Variants in MYBPH observed in about 807,000 individuals in gnomAD.
MYBPH encodes the protein myosin binding protein H.
Under a neutral mutation model 53.6 loss-of-function variants are expected in MYBPH, and 49 were observed. That is an observed-to-expected ratio of 0.91 (90% confidence interval 0.73 to 1.16). The LOEUF (loss-of-function observed/expected upper bound fraction) is 1.16, where lower values mean the gene tolerates loss of function less well. Ranked by LOEUF, MYBPH falls within the 50% of genes most tolerant of loss-of-function variation. The pLI is 0.00. For synonymous variants in MYBPH, 239 were observed against 249.6 expected, an observed-to-expected ratio of 0.96 and a Z score of 0.40; for missense variants, 558 against 624.1, an observed-to-expected ratio of 0.89 and a Z score of 1.13.
Position 203,175,793 on chromosome 1 carries a change from G to T in MYBPH, c.-38C>A. On this transcript the variant is annotated 5_prime_UTR_variant, in exon 1 of 11. Coordinates refer to ENST00000255416, the MANE Select transcript of MYBPH (RefSeq NM_004997.3). ...TGGGGGGCCAGGGTGGAGTGTGCAGGGGTCAGCCGTTGGGGGGCCTGGGCC... is the reference window on the plus strand; with the variant it reads ...TGGGGGGCCAGGGTGGAGTGTGCAGTGGTCAGCCGTTGGGGGGCCTGGGCC... 1 of 1,607,976 alleles carries T rather than the reference G, an allele frequency of 6.2e-7. No homozygotes were observed.
chr1:203,172,001 G>A lies in MYBPH; in HGVS notation c.548C>T (p.Thr183Ile). Residue 183 changes from threonine to isoleucine, a missense_variant, in exon 4 of 11, where the codon ACC becomes ATC. Coordinates refer to ENST00000255416, the MANE Select transcript of MYBPH (RefSeq NM_004997.3). ...KIRVPRHLRQ[T>I]YIRQVGETVN... ...CGTCTCTCCCACCTGGCGGATGTAG[G>A]TCTGACGGAGGTGGCGGGGGACACG... The A allele has an allele frequency of 7.6e-7, 1 of 1,324,390 alleles. No homozygotes were observed. Among genetic ancestry groups the A allele is most frequent in the Admixed American group, 3.0e-5 (1 of 33,566 alleles). 82.0% of individuals were successfully genotyped at this position (1,324,390 alleles called of 1,614,324 possible).
upstream of MYBPH, among the ~76,000 whole-genome samples, chr1:203,176,110 A>G (rs1655805080): frequency 6.6e-6 from 1 of 152,156 alleles, no homozygotes; most frequent in African/African-American, 2.4e-5. Flanking sequence ...TGTCAGGGCA[A>G]TAGGAGGAAG....
chr1:203,171,162 CG>C lies in MYBPH; in HGVS notation c.831del (p.Asp277GlufsTer140). On this transcript the variant is annotated frameshift_variant, in exon 6 of 11. Transcript: ENST00000255416. LOFTEE classifies it high-confidence loss of function. This position sits in a 1 kb window ranked among gnomAD's most constrained non-coding sequence, Gnocchi z 4.2. Reference sequence around the variant, plus strand: ...TGAAGAGCAGCATTGCAGCCCCAGACGTCCAGGAGCCTGATGCTGCTGGGGG... The same window carrying C: ...TGAAGAGCAGCATTGCAGCCCCAGACTCCAGGAGCCTGATGCTGCTGGGGG... ...PGPPSSIRLL[D>X]VWGCNAALQW... 1 of 1,611,618 alleles carries C rather than the reference CG, an allele frequency of 6.2e-7. No individual in the cohort carries two copies. The highest frequency in any genetic ancestry group is 8.5e-7 in the Non-Finnish European group (1 of 1,178,882).
rs772259806 is a variant in MYBPH at position 203,171,574 on chromosome 1, T to C, written c.602A>G (p.Lys201Arg). 8 of 1,611,322 alleles carry C rather than the reference T, an allele frequency of 5.0e-6. No individual in the cohort carries two copies. The South Asian group carries it at 7.7e-5, about 16-fold the overall frequency. The change falls in exon 5 of 11, where the codon AAG becomes AGG. Residue 201 changes from lysine (K) to arginine (R), a missense_variant. Coordinates refer to ENST00000255416, the MANE Select transcript of MYBPH (RefSeq NM_004997.3). This position sits in a 1 kb window ranked among gnomAD's most constrained non-coding sequence, Gnocchi z 4.2. The stretch of plus-strand genomic sequence containing the variant: ...GGTCCATGTGGCCTGAGGCTTAGGC[T>C]TCCCCTGGCAGGGAGGAGCCCCCAG... ...TVNLQIPFQGKPKPQATWTHN... is the reference protein window; with the variant it reads ...TVNLQIPFQGRPKPQATWTHN...
In MYBPH at chr1:203,171,941, G is replaced by T; in HGVS notation, c.597+11C>A. The T allele has an allele frequency of 7.6e-7, 1 of 1,321,152 alleles. No individual in the cohort carries two copies. 81.8% of individuals were successfully genotyped at this position (1,321,152 alleles called of 1,614,324 possible). On this transcript the variant is annotated intron_variant, in intron 4 of 10. Coordinates refer to ENST00000255416, the MANE Select transcript of MYBPH (RefSeq NM_004997.3). This position sits in a 1 kb window ranked among gnomAD's most constrained non-coding sequence, Gnocchi z 4.2. ...ACCCAGGCTGTTACCCTTGGTGGGG[G>T]TAATACCCACCTGGAAGGGGATTTG...
At chr1:203,170,932 G>C in intron 6 of MYBPH, 129 bp downstream of exon 6, 2 of 1,281,326 alleles carry the variant, frequency 1.6e-6, no homozygotes. Context: ...GCCTCCTAGG[G>C]AGTCAGGTTA....
intron 9 of MYBPH, 26 bp from the exon 10 acceptor site, chr1:203,168,701 T>C: frequency 6.3e-7 from 1 of 1,582,328 alleles, no homozygotes; most frequent in South Asian, 1.1e-5. Flanking sequence ...CAGTTAGAGC[T>C]TGGGGGAAGT....
In MYBPH at chr1:203,171,811, A is replaced by C. The variant is rs1655704537; in HGVS notation, c.597+141T>G. The C allele has an allele frequency of 2.8e-6, 2 of 703,762 alleles. No individual in the cohort carries two copies. The highest frequency in any genetic ancestry group is 3.2e-4 in the Middle Eastern group (1 of 3,084). The allele number at this position is 703,762 out of a possible 1,614,324, so 43.6% of individuals were successfully genotyped here. ...ACAGGCTGAGAATCACCAATGAGTC[A>C]TGTGCATGATTGCGGAAGGATGAAG... On this transcript the variant is annotated intron_variant, in intron 4 of 10. Transcript: ENST00000255416. The surrounding 1 kb of genome is among the most constrained non-coding windows in gnomAD (Gnocchi z 4.2).
In MYBPH at chr1:203,169,267, G is replaced by T; in HGVS notation, c.1216C>A (p.Arg406=). The T allele has an allele frequency of 6.2e-7, 1 of 1,609,940 alleles. No individual in the cohort carries two copies. The highest frequency in any genetic ancestry group is 2.2e-5 in the East Asian group (1 of 44,868). The change falls in exon 8 of 11, where the codon CGA becomes AGA. Residue 406 remains arginine (R), a synonymous_variant. Coordinates refer to ENST00000255416, the MANE Select transcript of MYBPH (RefSeq NM_004997.3). The part of the protein sequence containing the change: ...GYSTQLFCSV[R]ASPKPKIIWM... The stretch of plus-strand genomic sequence containing the variant: ...TGGCCCCTCACCTTGGGTGAAGCTC[G>T]GACACTGCAGAACAACTGGGTGCTG...
chr1:203,178,287 A>G (rs547840123), upstream of MYBPH, among the ~76,000 whole-genome samples: 1 of 152,262 alleles, frequency 6.6e-6, no homozygotes, highest in South Asian at 2.1e-4. Context: ...TGATCTCTGA[A>G]TGGGTGGAGG....
chr1:203,177,774 G>A (rs374743477), upstream of MYBPH, among the ~76,000 whole-genome samples: 257 of 152,356 alleles, frequency 1.7e-3, 1 homozygote, highest in African/African-American at 6.1e-3. Flanking sequence ...TTGCAGCCCT[G>A]GGGTTTCAAA....
In MYBPH at chr1:203,171,570, A is replaced by G; in HGVS notation, c.606T>C (p.Pro202=). 6.2e-7 allele frequency: 1 copy of G among 1,611,814 alleles called. No homozygotes were observed. The highest frequency in any genetic ancestry group is 1.1e-5 in the South Asian group (1 of 90,880). ...TGTGGGTCCATGTGGCCTGAGGCTT[A>G]GGCTTCCCCTGGCAGGGAGGAGCCC... ...VNLQIPFQGK[P]KPQATWTHNG... The change falls in exon 5 of 11, where the codon CCT becomes CCC. Residue 202 remains proline, a synonymous_variant. Transcript: ENST00000255416. This position sits in a 1 kb window ranked among gnomAD's most constrained non-coding sequence, Gnocchi z 4.2.
intron 6 of MYBPH, 114 bp downstream of exon 6, chr1:203,170,947 T>A (rs1215104873): frequency 3.6e-6 from 5 of 1,403,114 alleles, no homozygotes; most frequent in Non-Finnish European, 3.8e-6. Context: ...AGGTTAGCAG[T>A]GGGCAGACCA....
intron 7 of MYBPH, among the ~76,000 whole-genome samples, chr1:203,170,067 C>G (rs1032769077): frequency 6.6e-6 from 1 of 152,200 alleles, no homozygotes; most frequent in African/African-American, 2.4e-5. Flanking sequence ...GGGCATCTTT[C>G]ATTTGTGTGG....
intron 6 of MYBPH, 129 bp from the exon 7 acceptor site, chr1:203,170,579 G>C (rs1302786255): frequency 8.1e-7 from 1 of 1,229,330 alleles, no homozygotes; most frequent in East Asian, 2.6e-5. Flanking sequence ...ATCCAGCTTT[G>C]GGCCTCAGGG....
upstream of MYBPH, among the ~76,000 whole-genome samples, chr1:203,177,025 G>C (rs1473867393): frequency 6.6e-6 from 1 of 152,172 alleles, no homozygotes. Context: ...AAAATATGGG[G>C]TCAAATGAGC....
Position 203,174,596 on chromosome 1 carries a change from G to T in MYBPH, c.342C>A (p.Ala114=). Residue 114 remains alanine, a splice_region_variant and synonymous_variant, in exon 3 of 11, where the codon GCC becomes GCA. Transcript: ENST00000255416. ...GYVLELCREG[A]SEWVPVSARP... is the part of the protein sequence containing the mutation. Reference sequence around the variant, plus strand: ...GGGCACTCACAGGCACCCACTCCGAGGCTGAGGGGATGGAGAGAGTGTGAG... The same window carrying T: ...GGGCACTCACAGGCACCCACTCCGATGCTGAGGGGATGGAGAGAGTGTGAG... 6.3e-7 allele frequency: 1 copy of T among 1,597,724 alleles called. No homozygotes were observed. The highest frequency in any genetic ancestry group is 1.1e-5 in the South Asian group (1 of 90,320).
Position 203,171,729 on chromosome 1 carries a change from G to C in MYBPH, c.598-151C>G, listed in dbSNP as rs549195504. ...AGCAGAGGCTGGAGCCACAGGTGCT[G>C]CCCACAGCCACATCTTCCAGGTGTC... On this transcript the variant is annotated intron_variant, in intron 4 of 10. Coordinates refer to ENST00000255416, the MANE Select transcript of MYBPH (RefSeq NM_004997.3). The surrounding 1 kb of genome is among the most constrained non-coding windows in gnomAD (Gnocchi z 4.2). 396 of 921,378 alleles carry C rather than the reference G, an allele frequency of 4.3e-4. 2 individuals carry two copies. In the East Asian group the frequency reaches 9.8e-3, roughly 23 times the overall value. 57.1% of individuals were successfully genotyped at this position (921,378 alleles called of 1,614,324 possible).
chr1:203,172,221 G>T (rs924588809), intron 3 of MYBPH, among the ~76,000 whole-genome samples, 181 bp from the exon 4 acceptor site: 12 of 152,070 alleles, frequency 7.9e-5, no homozygotes, highest in African/African-American at 2.7e-4. Context: ...AGGTCTAGGG[G>T]CCCAAATCCC....
Sources: gnomAD v4.1 joint callset for allele counts (sites outside exome capture counted in the v4.1 genomes callset) on GRCh38, gnomAD v4.1.1 for gene constraint, Gnocchi (gnomAD v3.1) non-coding constraint, MANE v1.5 for transcripts, NCBI Gene and HGNC (gene_info 2026-07-23, HGNC 2026-07-21) for gene names.